TEX261: variants seen among roughly 807,000 people sequenced by gnomAD.
TEX261 encodes the protein testis expressed 261, also known as protein TEX261.
A neutral mutation model predicts 25.1 loss-of-function variants in TEX261; 13 were observed. The ratio of observed to expected loss-of-function variants is 0.52; its 90% CI spans 0.34 to 0.82. The LOEUF is 0.82. Ranked by LOEUF, TEX261 falls within the 40% of genes least tolerant of loss-of-function variation. The pLI is 0.02. For synonymous variants in TEX261, 92 were observed against 97.8 expected (o/e 0.94, Z 0.35); for missense variants, 206 against 243.2 (o/e 0.85, Z 1.02).
chr2:70,994,868 C>T lies in TEX261; in HGVS notation c.-111G>A. On this transcript the variant is annotated 5_prime_UTR_variant, in exon 1 of 6. Transcript: ENST00000272438. ...CGCCGCCGCGTCCCCGCCCCGCGGACGACAGGACGACGGTGCGCCGCCGCC... is the reference window on the plus strand; with the variant it reads ...CGCCGCCGCGTCCCCGCCCCGCGGATGACAGGACGACGGTGCGCCGCCGCC... 1 of 1,189,248 alleles carries T rather than the reference C, an allele frequency of 8.4e-7. No homozygotes were observed. The highest frequency in any genetic ancestry group is 1.0e-6 in the Non-Finnish European group (1 of 954,870). The allele number at this position is 1,189,248 out of a possible 1,614,324, so 73.7% of individuals were successfully genotyped here.
rs1553425193 is a variant in TEX261 at position 70,988,597 on chromosome 2, G to A, written c.*3C>T. 4 of 1,605,646 alleles carry A rather than the reference G, an allele frequency of 2.5e-6. No individual in the cohort carries two copies. Among genetic ancestry groups the A allele is most frequent in the East Asian group, 2.2e-5 (1 of 44,846 alleles). ...TGCCCCCCACATCCTGCCTGCATGG[G>A]GGTCAGTATATCTTCTGACGACTGG... On this transcript the variant is annotated 3_prime_UTR_variant, in exon 6 of 6. Transcript: ENST00000272438.
In TEX261 at chr2:70,991,964, A is replaced by G. The variant is rs782678957; in HGVS notation, c.170T>C (p.Ile57Thr). The change falls in exon 3 of 6, where the codon ATT becomes ACT. Residue 57 changes from isoleucine (I) to threonine (T), a missense_variant. Physicochemically the swap from Ile to Thr is moderately conservative, Grantham distance 89. Coordinates refer to ENST00000272438, the MANE Select transcript of TEX261 (RefSeq NM_144582.3). ...YMIWFSTAVLIGLYVFERFPT... is the reference protein window; with the variant it reads ...YMIWFSTAVLTGLYVFERFPT... ...GAAGCGCTCAAAGACGTAGAGGCCA[A>G]TCAGTACAGCGGTGGAGAACTGAAA... 1.4e-5 allele frequency: 22 copies of G among 1,609,686 alleles called. No individual in the cohort carries two copies. The Admixed American group carries it at 3.5e-4, about 26-fold the overall frequency.
rs782641250 is a variant in TEX261 at position 70,989,798 on chromosome 2, T to C, written c.323A>G (p.His108Arg). ...TGCAAAAAACTGAAATGCTAGGTAA[T>C]GATTCACCACCACTAGTCCTGTTGA... ...ILSCGLVVVN[H>R]YLAFQFFAEE... The change falls in exon 4 of 6, where the codon CAT (histidine) becomes CGT (arginine). Residue 108 changes from histidine to arginine, a missense_variant. Coordinates refer to ENST00000272438, the MANE Select transcript of TEX261 (RefSeq NM_144582.3). 6.2e-7 allele frequency: 1 copy of C among 1,612,878 alleles called. No homozygotes were observed. The highest frequency in any genetic ancestry group is 1.1e-5 in the South Asian group (1 of 91,058).
chr2:70,994,865 G>A lies in TEX261; in HGVS notation c.-108C>T. On this transcript the variant is annotated 5_prime_UTR_variant, in exon 1 of 6. Coordinates refer to ENST00000272438, the MANE Select transcript of TEX261 (RefSeq NM_144582.3). ...CGCCGCCGCCGCGTCCCCGCCCCGCGGACGACAGGACGACGGTGCGCCGCC... is the reference window on the plus strand; with the variant it reads ...CGCCGCCGCCGCGTCCCCGCCCCGCAGACGACAGGACGACGGTGCGCCGCC... The A allele has an allele frequency of 1.7e-6, 2 of 1,188,526 alleles. No individual in the cohort carries two copies. Among genetic ancestry groups the A allele is most frequent in the Non-Finnish European group, 2.1e-6 (2 of 954,424 alleles). 73.6% of individuals were successfully genotyped at this position (1,188,526 alleles called of 1,614,324 possible). A position where few individuals can be genotyped will look rare whatever the true frequency, so the allele number is the denominator to read the frequency against.
In TEX261 at chr2:70,991,872, G is replaced by C; in HGVS notation, c.262C>G (p.Pro88Ala). The change falls in exon 3 of 6, where the codon CCC becomes GCC. Residue 88 changes from proline (P) to alanine (A), a missense_variant. Transcript: ENST00000272438. ...TTAGGCGAGGTCAGCATGATGAAGG[G>C]GAAGGTCTGGAGGAGGCCAAAGTAG... ...LVYFGLLQTF[P>A]FIMLTSPNFI... The C allele has an allele frequency of 6.2e-7, 1 of 1,613,816 alleles. No individual in the cohort carries two copies. The highest frequency in any genetic ancestry group is 8.5e-7 in the Non-Finnish European group (1 of 1,179,898).
At position 70,994,834 on chromosome 2, in the gene TEX261, C is replaced by G. The variant is rs1263982988; in HGVS notation, c.-77G>C. On this transcript the variant is annotated 5_prime_UTR_variant, in exon 1 of 6. Transcript: ENST00000272438. ...GGCTCCGGCGACACACAGCCGCCAC[C>G]GCCGCCGCCGCCGCCGCGTCCCCGC... is the stretch of plus-strand genomic sequence containing the variant. The G allele has an allele frequency of 1.4e-5, 16 of 1,153,024 alleles. No homozygotes were observed. The South Asian group carries it at 4.8e-4, about 34-fold the overall frequency. The allele number at this position is 1,153,024 out of a possible 1,614,324, so 71.4% of individuals were successfully genotyped here. A position where few individuals can be genotyped will look rare whatever the true frequency, so the allele number is the denominator to read the frequency against.
At chr2:70,991,736 C>T (rs72832801) in intron 3 of TEX261, 94 bp downstream of exon 3, 20,760 of 1,467,920 alleles carry the variant, frequency 0.014, 196 homozygotes, top group Non-Finnish European at 0.016. Flanking sequence ...ACTTCAACAG[C>T]TGGCTTCCTT....
At chr2:70,993,854 C>G in intron 1 of TEX261, 79 bp from the exon 2 acceptor site, 1 of 1,096,666 alleles carries the variant, frequency 9.1e-7, no homozygotes, top group Non-Finnish European at 1.4e-6. Flanking sequence ...GCAGCCCAGT[C>G]CCCATCCACC....
In TEX261 at chr2:70,988,521, C is replaced by T. The variant is rs1258893464; in HGVS notation, c.*79G>A. The T allele has an allele frequency of 1.2e-5, 14 of 1,180,864 alleles. No individual in the cohort carries two copies. The highest frequency in any genetic ancestry group is 1.5e-5 in the Non-Finnish European group (12 of 790,880). The allele number at this position is 1,180,864 out of a possible 1,614,324, so 73.1% of individuals were successfully genotyped here. On this transcript the variant is annotated 3_prime_UTR_variant, in exon 6 of 6. Transcript: ENST00000272438. ...GGGCAGGTGGTAGGTGCCTTCCCGA[C>T]TTCTGGTCCCCACCTGGCATAGAGG...
At chr2:70,988,807 C>A in intron 5 of TEX261, 92 bp from the exon 6 acceptor site, 1 of 1,492,568 alleles carries the variant, frequency 6.7e-7, no homozygotes, top group Non-Finnish European at 9.2e-7. Flanking sequence ...AACCCCGAGT[C>A]CAGGTGTCTC....
rs1450389451 is a variant in TEX261 at position 70,986,946 on chromosome 2, GC to G, written c.*1653del. 1.3e-5 allele frequency: 2 copies of G among 152,794 alleles called. No homozygotes were observed. Among genetic ancestry groups the G allele is most frequent in the Non-Finnish European group, 2.9e-5 (2 of 68,516 alleles). 9.5% of individuals were successfully genotyped at this position (152,794 alleles called of 1,614,324 possible). A position where few individuals can be genotyped will look rare whatever the true frequency, so the allele number is the denominator to read the frequency against. ...AGGTAGGACAACTAGCCACAGAGGTGCCAGGGAAGTGCCATCCAAGAAGCAA... is the reference window on the plus strand; with the variant it reads ...AGGTAGGACAACTAGCCACAGAGGTGCAGGGAAGTGCCATCCAAGAAGCAA... On this transcript the variant is annotated 3_prime_UTR_variant, in exon 6 of 6. Coordinates refer to ENST00000272438, the MANE Select transcript of TEX261 (RefSeq NM_144582.3).
chr2:70,993,794 G>A lies in TEX261; in HGVS notation c.71-19C>T. The A allele has an allele frequency of 6.2e-7, 1 of 1,604,516 alleles. No individual in the cohort carries two copies. Among genetic ancestry groups the A allele is most frequent in the Non-Finnish European group, 8.5e-7 (1 of 1,173,124 alleles). On this transcript the variant is annotated intron_variant, in intron 1 of 5. Coordinates refer to ENST00000272438, the MANE Select transcript of TEX261 (RefSeq NM_144582.3). ...CCAGCCGCTGCAGGGTGGGAGGCAGGGAGACTATCAGCCAGGGTCACTCCC... is the reference window on the plus strand; with the variant it reads ...CCAGCCGCTGCAGGGTGGGAGGCAGAGAGACTATCAGCCAGGGTCACTCCC...
intron 2 of TEX261, among the ~76,000 whole-genome samples, chr2:70,993,033 T>C (rs971661169): frequency 8.5e-5 from 13 of 152,336 alleles, no homozygotes; most frequent in African/African-American, 2.9e-4. Flanking sequence ...TTGCCTCCAC[T>C]GTGAACTCCC....
At chr2:70,994,428 G>T in intron 1 of TEX261, 1 of 549,780 alleles carries the variant, frequency 1.8e-6, no homozygotes. Context: ...GCGGTCCGCA[G>T]ACGCGGGGGC....
intron 4 of TEX261, chr2:70,989,255 C>T (rs1346522304): frequency 1.9e-5 from 11 of 572,948 alleles, no homozygotes; most frequent in Non-Finnish European, 3.4e-5. Context: ...CTAGGACAAG[C>T]AACTCCCCTG....
intron 3 of TEX261, among the ~76,000 whole-genome samples, chr2:70,991,612 C>A (rs1670299688): frequency 6.6e-6 from 1 of 152,304 alleles, no homozygotes; most frequent in East Asian, 1.9e-4. Context: ...CTGGGAAAGC[C>A]CTCCCTGTCT....
At chr2:70,991,091 G>A (rs1553425584) in intron 3 of TEX261, among the ~76,000 whole-genome samples, 2 of 152,228 alleles carry the variant, frequency 1.3e-5, no homozygotes, top group Non-Finnish European at 2.9e-5. Context: ...CAGGAGCAAT[G>A]GCAATCTTGG....
At chr2:70,994,553 A>T (rs72899731) in intron 1 of TEX261, 135 bp downstream of exon 1, 56,683 of 1,277,780 alleles carry the variant, frequency 0.044, 5,932 homozygotes, top group African/African-American at 0.41. Flanking sequence ...TCAGGCGGGA[A>T]GGGGTTGGGG....
In TEX261 at chr2:70,991,813, ACT is replaced by A; in HGVS notation, c.304+15_304+16del. ...CCCAACCACATCAGCTGCCTCCCCAACTCTGTCCCCTCTCACCACACGACAGG... is the reference window on the plus strand; with the variant it reads ...CCCAACCACATCAGCTGCCTCCCCAACTGTCCCCTCTCACCACACGACAGG... On this transcript the variant is annotated intron_variant, in intron 3 of 5. Coordinates refer to ENST00000272438, the MANE Select transcript of TEX261 (RefSeq NM_144582.3). 2 of 1,611,268 alleles carry A rather than the reference ACT, an allele frequency of 1.2e-6. No homozygotes were observed. The highest frequency in any genetic ancestry group is 1.7e-6 in the Non-Finnish European group (2 of 1,178,838).
Sources: gnomAD v4.1 joint callset for allele counts (sites outside exome capture counted in the v4.1 genomes callset) on GRCh38, gnomAD v4.1.1 for gene constraint, MANE v1.5 for transcripts, NCBI Gene and HGNC (gene_info 2026-07-23, HGNC 2026-07-21) for gene names.